Variants in CFAP61 observed in about 807,000 individuals in gnomAD.
CFAP61 encodes the protein cilia- and flagella-associated protein 61.
Under a neutral mutation model 135.6 loss-of-function variants are expected in CFAP61, and 107 were observed. The observed-to-expected ratio is 0.79, with a 90% CI of 0.67 to 0.93. The LOEUF is 0.93. Ranked by LOEUF, CFAP61 falls within the 40% of genes least tolerant of loss-of-function variation. The pLI, the probability that CFAP61 is intolerant of heterozygous loss-of-function variation, is 0.00. For missense variants in CFAP61, 1,507 were observed against 1,556.2 expected (o/e 0.97, Z 0.53); for synonymous variants, 575 against 578.5 (o/e 0.99, Z 0.09).
At chr20:20,360,151 G>C (rs1219976888) in intron 26 of CFAP61, 59 bp from the exon 27 acceptor site, 5 of 1,291,492 alleles carry the variant, frequency 3.9e-6, no homozygotes, top group Admixed American at 1.7e-5. Context: ...TGAAACTGCC[G>C]TTACAACTGT....
At chr20:20,336,739 G>C (rs1271467168) in intron 25 of CFAP61, among the ~76,000 whole-genome samples, 1 of 152,196 alleles carries the variant, frequency 6.6e-6, no homozygotes. Flanking sequence ...AAGAGAGGTA[G>C]CCTAGGGATG....
At chr20:20,316,612 T>C (rs1483197243) in intron 25 of CFAP61, 1 of 151,816 alleles carries the variant, frequency 6.6e-6, no homozygotes, top group Admixed American at 6.6e-5. Flanking sequence ...ATCCCTGTCT[T>C]GTGCCAGTTT....
intron 17 of CFAP61, among the ~76,000 whole-genome samples, chr20:20,215,613 A>G (rs141368783): frequency 2.6e-5 from 4 of 152,308 alleles, no homozygotes; most frequent in East Asian, 1.9e-4. Context: ...TGCAATCATC[A>G]CTGACTAATC....
chr20:20,061,268 CA>C (rs1239520307), intron 2 of CFAP61, among the ~76,000 whole-genome samples: 2 of 151,986 alleles, frequency 1.3e-5, no homozygotes, highest in African/African-American at 4.8e-5. Flanking sequence ...AAAAAAGAAA[CA>C]AAAAGCATAG....
chr20:20,292,631 C>G (rs941151944), intron 24 of CFAP61, among the ~76,000 whole-genome samples: 2 of 152,112 alleles, frequency 1.3e-5, no homozygotes, highest in Admixed American at 1.3e-4. Context: ...TTTACTAAAT[C>G]CGAAAGCTTG....
chr20:20,169,308 T>C lies in CFAP61; in HGVS notation c.1246-13T>C, dbSNP rs1470050813. On this transcript the variant is annotated splice_polypyrimidine_tract_variant and intron_variant, in intron 12 of 26. Coordinates refer to ENST00000245957, the MANE Select transcript of CFAP61 (RefSeq NM_015585.4). ...TTATTCTTTCTCTGTGTCCTGGTTT[T>C]TGATGATGTTAGGATAAGAACTTCT... The C allele has an allele frequency of 6.2e-7, 1 of 1,607,954 alleles. No individual in the cohort carries two copies. The highest frequency in any genetic ancestry group is 8.5e-7 in the Non-Finnish European group (1 of 1,176,112).
chr20:20,132,393 G>C (rs1284375310), intron 8 of CFAP61, among the ~76,000 whole-genome samples: 1 of 151,938 alleles, frequency 6.6e-6, no homozygotes, highest in African/African-American at 2.4e-5. Flanking sequence ...TGCAGTCAGA[G>C]AACCTACTCT....
chr20:20,059,258 G>A (rs2044609872), intron 2 of CFAP61, among the ~76,000 whole-genome samples: 1 of 148,504 alleles, frequency 6.7e-6, no homozygotes, highest in African/African-American at 2.5e-5. Flanking sequence ...AACCCAGGAG[G>A]CGGAGGTTGC....
At chr20:20,242,111 CT>C (rs1331754833) in intron 18 of CFAP61, among the ~76,000 whole-genome samples, 1 of 152,208 alleles carries the variant, frequency 6.6e-6, no homozygotes, top group East Asian at 1.9e-4. Context: ...CAAAAGTCTC[CT>C]GCTTTTAGTG....
In CFAP61 at chr20:20,277,292, TCAA is replaced by T. The variant is rs777137325; in HGVS notation, c.2635_2637del (p.Asn879del). The T allele has an allele frequency of 3.1e-6, 5 of 1,614,026 alleles. No individual in the cohort carries two copies. The highest frequency in any genetic ancestry group is 1.3e-5 in the African/African-American group (1 of 74,908). On this transcript the variant is annotated inframe_deletion, in exon 22 of 27. Transcript: ENST00000245957. ...CCGCCCGCCTCCACCATCACCTGCA[TCAA>T]CAACTACTCGGTGGAGAGCGCCGTG... is the stretch of plus-strand genomic sequence containing the variant.
chr20:20,211,117 G>T (rs1043737642), intron 17 of CFAP61, among the ~76,000 whole-genome samples: 1 of 152,162 alleles, frequency 6.6e-6, no homozygotes, highest in Admixed American at 6.5e-5. Context: ...AGCAATTTGA[G>T]TTTGGTTATC....
chr20:20,118,136 G>A (rs2146685569), intron 8 of CFAP61, among the ~76,000 whole-genome samples: 1 of 152,146 alleles, frequency 6.6e-6, no homozygotes. Context: ...TAAAAGTGAT[G>A]AAAGTGTGCA....
chr20:20,185,885 C>A (rs965365768), intron 13 of CFAP61, among the ~76,000 whole-genome samples: 1 of 152,140 alleles, frequency 6.6e-6, no homozygotes, highest in Non-Finnish European at 1.5e-5. Context: ...ACCTTTTTCT[C>A]ATGATTTTTG....
chr20:20,175,191 G>A (rs1327870268), intron 13 of CFAP61, among the ~76,000 whole-genome samples: 1 of 152,240 alleles, frequency 6.6e-6, no homozygotes, highest in African/African-American at 2.4e-5. Flanking sequence ...TGGGCTGGAT[G>A]TACGGCCACC....
intron 1 of CFAP61, chr20:20,056,073 G>T: frequency 8.0e-7 from 1 of 1,242,756 alleles, no homozygotes. Context: ...AAAACAAGTT[G>T]CTTTATTATG....
intron 26 of CFAP61, among the ~76,000 whole-genome samples, chr20:20,356,339 A>G (rs1231560824): frequency 2.6e-5 from 3 of 114,416 alleles, no homozygotes; most frequent in Admixed American, 8.6e-5. Flanking sequence ...CACTGAGGGG[A>G]GGTGGTCATA....
chr20:20,269,916 G>A (rs1050364546), intron 21 of CFAP61, among the ~76,000 whole-genome samples: 2 of 150,710 alleles, frequency 1.3e-5, no homozygotes, highest in Non-Finnish European at 3.0e-5. Context: ...ACCTGACCTT[G>A]AGCTCAAGAT....
Position 20,318,203 on chromosome 20 carries a change from C to T in CFAP61, c.3422+19817C>T, listed in dbSNP as rs143401599. Reference sequence around the variant, plus strand: ...GATTTGACACATGAACGAATGTGACCCCACTCTCTTTTTCCAATTATGTGT... The same window carrying T: ...GATTTGACACATGAACGAATGTGACTCCACTCTCTTTTTCCAATTATGTGT... On this transcript the variant is annotated intron_variant, in intron 25 of 26. Transcript: ENST00000245957. 1.2e-3 allele frequency among the ~76,000 whole-genome samples: 190 copies of T among 152,248 alleles called. 2 individuals are homozygous for T. Among genetic ancestry groups the T allele is most frequent in the African/African-American group, 4.3e-3 (178 of 41,526 alleles).
chr20:20,167,881 C>T lies in CFAP61; in HGVS notation c.1246-1440C>T, dbSNP rs1456912431. On this transcript the variant is annotated intron_variant, in intron 12 of 26. Transcript: ENST00000245957. The stretch of plus-strand genomic sequence containing the variant: ...AGATCCCAAAGGGACAAATTAGCTT[C>T]GGGAAGAGCAGGCTGCTTCTGCAGG... 5.9e-5 allele frequency among the ~76,000 whole-genome samples: 9 copies of T among 152,116 alleles called. No homozygotes were observed. In the East Asian group the frequency reaches 7.7e-4, roughly 13 times the overall value.
Sources: allele counts gnomAD v4.1 joint callset (sites outside exome capture counted in the v4.1 genomes callset), GRCh38; gene constraint gnomAD v4.1.1; transcripts MANE v1.5; gene names NCBI Gene and HGNC (gene_info 2026-07-23, HGNC 2026-07-21).